PRELID2: variants seen among roughly 807,000 people sequenced by gnomAD.
PRELID2 encodes the protein PRELI domain-containing protein 2.
PRELID2 carries 25 observed loss-of-function variants against 28.4 expected under a neutral mutation model. The ratio of observed to expected loss-of-function variants is 0.88; its 90% CI spans 0.64 to 1.23. The LOEUF (loss-of-function observed/expected upper bound fraction) is 1.23, where lower values mean the gene tolerates loss of function less well. PRELID2 is among the 50% of genes most tolerant of loss of function. PRELID2 has a pLI of 0.00. For missense variants in PRELID2, 201 were observed against 214.4 expected (o/e 0.94, Z 0.39); for synonymous variants, 76 against 71.6 (o/e 1.06, Z -0.31).
At chr5:145,640,517 G>A (rs568768639) in intron 1 of PRELID2, among the ~76,000 whole-genome samples, 177 of 146,504 alleles carry the variant, frequency 1.2e-3, no homozygotes, top group African/African-American at 4.0e-3. Flanking sequence ...GGTGGCGGGC[G>A]CCTGTGCTTC....
chr5:145,720,796 G>T (rs933719213), intron 1 of PRELID2, among the ~76,000 whole-genome samples: 8 of 151,928 alleles, frequency 5.3e-5, no homozygotes, highest in Admixed American at 2.0e-4. Flanking sequence ...AAAAAAAAGT[G>T]AAAGAAAAGG....
chr5:145,584,429 C>T (rs1753134299), intron 1 of PRELID2, among the ~76,000 whole-genome samples: 1 of 152,006 alleles, frequency 6.6e-6, no homozygotes, highest in Non-Finnish European at 1.5e-5. Flanking sequence ...AAAAGCAAAA[C>T]TTGTCAAATG....
the PRELID2 span, among the ~76,000 whole-genome samples, chr5:145,292,712 T>C: frequency 5.3e-5 from 8 of 152,074 alleles, no homozygotes; most frequent in East Asian, 1.9e-4. Flanking sequence ...CCCACACTTT[T>C]ACTTTATTTT....
intron 1 of PRELID2, among the ~76,000 whole-genome samples, chr5:145,527,140 T>A (rs1752615798): frequency 6.6e-6 from 1 of 152,216 alleles, no homozygotes; most frequent in Non-Finnish European, 1.5e-5. Flanking sequence ...AATGGCTGTG[T>A]CTATAAAAGG....
intron 1 of PRELID2, among the ~76,000 whole-genome samples, chr5:145,667,651 G>C (rs1407763695): frequency 6.6e-6 from 1 of 151,996 alleles, no homozygotes; most frequent in Non-Finnish European, 1.5e-5. Flanking sequence ...AGTATGGCTT[G>C]GGAGTAAGAC....
chr5:145,738,030 T>A (rs1756547643), intron 1 of PRELID2, among the ~76,000 whole-genome samples: 1 of 152,118 alleles, frequency 6.6e-6, no homozygotes, highest in Non-Finnish European at 1.5e-5. Context: ...GGAGCAATAA[T>A]AAGACACTTC....
the PRELID2 span, among the ~76,000 whole-genome samples, chr5:145,361,457 G>A: frequency 6.6e-6 from 1 of 152,232 alleles, no homozygotes; most frequent in South Asian, 2.1e-4. Context: ...CCTTCAAACA[G>A]CTGGCAGGAG....
chr5:145,319,995 C>T, the PRELID2 span, among the ~76,000 whole-genome samples: 1 of 152,204 alleles, frequency 6.6e-6, no homozygotes, highest in South Asian at 2.1e-4. Flanking sequence ...CAGACCTATC[C>T]CTTTGACTAC....
intron 1 of PRELID2, among the ~76,000 whole-genome samples, chr5:145,522,769 G>A (rs184989989): frequency 1.3e-4 from 19 of 151,838 alleles, no homozygotes; most frequent in Middle Eastern, 3.4e-3. Context: ...GGAGGAGGAG[G>A]AGGAGGAGGA....
intron 1 of PRELID2, among the ~76,000 whole-genome samples, chr5:145,710,585 T>G (rs765791403): frequency 4.6e-5 from 7 of 152,180 alleles, no homozygotes; most frequent in Non-Finnish European, 7.3e-5. Flanking sequence ...GAGAACGAAC[T>G]ATTCTCTCCC....
chr5:145,698,593 G>A (rs992928281), intron 1 of PRELID2, among the ~76,000 whole-genome samples: 14 of 152,144 alleles, frequency 9.2e-5, no homozygotes, highest in Non-Finnish European at 1.3e-4. Context: ...GTGCCGTTTC[G>A]CTGTGTCCTC....
intron 1 of PRELID2, among the ~76,000 whole-genome samples, chr5:145,482,575 G>C (rs1752171910): frequency 6.6e-6 from 1 of 151,988 alleles, no homozygotes; most frequent in South Asian, 2.1e-4. Flanking sequence ...ACCATGAACT[G>C]GTTTTCTGGA....
chr5:145,745,436 A>C (rs1167536166), intron 1 of PRELID2, among the ~76,000 whole-genome samples: 2 of 152,200 alleles, frequency 1.3e-5, no homozygotes, highest in Non-Finnish European at 2.9e-5. Context: ...AAATGAAGGA[A>C]AAAATGTTAA....
intron 1 of PRELID2, among the ~76,000 whole-genome samples, chr5:145,478,052 CAAAT>C (rs999663820): frequency 1.3e-5 from 2 of 152,072 alleles, no homozygotes; most frequent in Admixed American, 6.5e-5. Context: ...AAATGGGTTA[CAAAT>C]AAATAAATAA....
At chr5:145,300,617 A>G in the PRELID2 span, among the ~76,000 whole-genome samples, 9 of 151,878 alleles carry the variant, frequency 5.9e-5, no homozygotes, top group Admixed American at 5.3e-4. Context: ...TTATCCCACA[A>G]TACAAGCACA....
intron 1 of PRELID2, among the ~76,000 whole-genome samples, chr5:145,676,081 G>A (rs1286422251): frequency 2.0e-5 from 3 of 151,948 alleles, no homozygotes; most frequent in East Asian, 1.9e-4. Flanking sequence ...TTAGCCGGGC[G>A]TGGTGGCACA....
chr5:145,580,022 G>GGA (rs1753094201), intron 1 of PRELID2, among the ~76,000 whole-genome samples: 2 of 151,990 alleles, frequency 1.3e-5, no homozygotes, highest in Non-Finnish European at 2.9e-5. Flanking sequence ...TTCCAAATAA[G>GGA]ATTCTATTCC....
intron 1 of PRELID2, among the ~76,000 whole-genome samples, chr5:145,695,431 G>A (rs953858370): frequency 3.9e-5 from 6 of 152,216 alleles, no homozygotes; most frequent in Non-Finnish European, 7.3e-5. Flanking sequence ...AAGGTAGAGA[G>A]AAGCCAGCTA....
the PRELID2 span, among the ~76,000 whole-genome samples, chr5:145,238,984 T>G: frequency 6.6e-6 from 1 of 152,016 alleles, no homozygotes; most frequent in Non-Finnish European, 1.5e-5. Context: ...TATCTATCTA[T>G]CTGTCTATCT....
Sources: gnomAD v4.1 joint callset for allele counts (sites outside exome capture counted in the v4.1 genomes callset) on GRCh38, gnomAD v4.1.1 for gene constraint, MANE v1.5 for transcripts, NCBI Gene and HGNC (gene_info 2026-07-23, HGNC 2026-07-21) for gene names.